Variants in QTGAL observed in about 807,000 individuals in gnomAD.
QTGAL encodes the protein BGnT-like protein 1.
the QTGAL span, among the ~76,000 whole-genome samples, chr17:83,031,609 G>C: frequency 6.6e-6 from 1 of 152,244 alleles, no homozygotes; most frequent in Non-Finnish European, 1.5e-5. Flanking sequence ...GCCTTTCCAA[G>C]GACACCTGAG....
the QTGAL span, among the ~76,000 whole-genome samples, chr17:82,995,349 A>C: frequency 6.6e-6 from 1 of 152,128 alleles, no homozygotes; most frequent in Non-Finnish European, 1.5e-5. Flanking sequence ...TTCAGGATAC[A>C]AAATCAACAT....
the QTGAL span, chr17:82,961,264 C>G: frequency 6.6e-7 from 1 of 1,516,540 alleles, no homozygotes; most frequent in Non-Finnish European, 8.9e-7. Flanking sequence ...CTGCGCTCAG[C>G]CGGCCAACCA....
chr17:82,957,505 G>C, the QTGAL span: 1 of 1,594,894 alleles, frequency 6.3e-7, no homozygotes, highest in Non-Finnish European at 8.5e-7. Context: ...CTGCGGTGGA[G>C]AAGAGGGTGA....
the QTGAL span, among the ~76,000 whole-genome samples, chr17:82,946,104 C>G: frequency 1.3e-5 from 2 of 152,082 alleles, no homozygotes; most frequent in African/African-American, 4.8e-5. Context: ...TATTTAGTCA[C>G]ACACAAACAG....
At chr17:82,959,392 AGT>A in the QTGAL span, among the ~76,000 whole-genome samples, 3 of 78,574 alleles carry the variant, frequency 3.8e-5, no homozygotes, top group South Asian at 4.6e-4. Context: ...GAGCGTGTGC[AGT>A]GAGTACGTGT....
chr17:82,942,381 G>A, the QTGAL span: 9 of 1,608,308 alleles, frequency 5.6e-6, no homozygotes, highest in Non-Finnish European at 7.7e-6. Context: ...AGAGGGGTGA[G>A]GGTCCCCTGG....
At chr17:82,949,337 A>G in the QTGAL span, 40 of 152,386 alleles carry the variant, frequency 2.6e-4, no homozygotes, top group African/African-American at 8.9e-4. Flanking sequence ...GCCAAAAGGT[A>G]CATCAGTAAG....
At chr17:83,000,087 C>G in the QTGAL span, among the ~76,000 whole-genome samples, 1 of 152,170 alleles carries the variant, frequency 6.6e-6, no homozygotes, top group Non-Finnish European at 1.5e-5. Context: ...CTCAGCCTCC[C>G]ATGTAGCTGG....
chr17:82,977,284 G>A, the QTGAL span, among the ~76,000 whole-genome samples: 1 of 152,178 alleles, frequency 6.6e-6, no homozygotes, highest in Admixed American at 6.5e-5. Context: ...GCCCCGACAC[G>A]GACCGTGTTT....
the QTGAL span, among the ~76,000 whole-genome samples, chr17:82,998,035 C>G: frequency 6.7e-6 from 1 of 149,322 alleles, no homozygotes; most frequent in African/African-American, 2.5e-5. Flanking sequence ...TGAATAAGAC[C>G]TAGAATTTGC....
At chr17:82,965,741 G>A in the QTGAL span, 2 of 1,610,840 alleles carry the variant, frequency 1.2e-6, no homozygotes, top group Non-Finnish European at 1.7e-6. Context: ...CATTTGAGGT[G>A]AAAACCTAGA....
the QTGAL span, among the ~76,000 whole-genome samples, chr17:82,974,084 C>T: frequency 1.3e-5 from 2 of 152,318 alleles, no homozygotes; most frequent in Middle Eastern, 3.4e-3. Context: ...CTGTTTCTGC[C>T]CCTCGGAGAG....
chr17:82,957,533 C>T, the QTGAL span: 1 of 1,568,782 alleles, frequency 6.4e-7, no homozygotes, highest in East Asian at 2.3e-5. Flanking sequence ...GCCGGAGGCC[C>T]CACAGATGCA....
chr17:82,946,997 C>T, the QTGAL span: 3 of 1,554,788 alleles, frequency 1.9e-6, no homozygotes, highest in Admixed American at 1.9e-5. Flanking sequence ...TCAGGAGCAG[C>T]AGATTCAGCT....
At chr17:82,989,576 T>A in the QTGAL span, among the ~76,000 whole-genome samples, 1 of 152,098 alleles carries the variant, frequency 6.6e-6, no homozygotes, top group Non-Finnish European at 1.5e-5. Context: ...AATTTCATCT[T>A]TCATAAATGC....
the QTGAL span, among the ~76,000 whole-genome samples, chr17:83,001,027 G>T: frequency 6.6e-6 from 1 of 152,156 alleles, no homozygotes; most frequent in South Asian, 2.1e-4. Context: ...GACTGTGGTG[G>T]GTCACTGGGG....
chr17:83,006,200 G>GT, the QTGAL span: 2 of 985,830 alleles, frequency 2.0e-6, no homozygotes, highest in Non-Finnish European at 2.4e-6. The surrounding 1 kb of genome is among the most constrained non-coding windows in gnomAD (Gnocchi z 5.8). Flanking sequence ...CCAAAGAGTG[G>GT]TATCAGTGAG....
At chr17:82,955,544 T>C in the QTGAL span, among the ~76,000 whole-genome samples, 2 of 152,184 alleles carry the variant, frequency 1.3e-5, no homozygotes, top group South Asian at 2.1e-4. Context: ...TTTTACACTG[T>C]TGGTGGGAAT....
chr17:82,982,942 G>C, the QTGAL span, among the ~76,000 whole-genome samples: 1 of 152,118 alleles, frequency 6.6e-6, no homozygotes, highest in African/African-American at 2.4e-5. Context: ...GCTGGGGGTG[G>C]AGGAGATGGG....
Sources: gnomAD v4.1 joint callset for allele counts (sites outside exome capture counted in the v4.1 genomes callset) on GRCh38, gnomAD v4.1.1 for gene constraint, Gnocchi (gnomAD v3.1) non-coding constraint, MANE v1.5 for transcripts, NCBI Gene and HGNC (gene_info 2026-07-23, HGNC 2026-07-21) for gene names.